Variants in HECW1 observed in about 807,000 individuals in gnomAD.
HECW1 encodes the protein HECT, C2 and WW domain containing E3 ubiquitin protein ligase 1.
In HECW1, 61 loss-of-function variants were observed where a neutral mutation model predicts 182.3. The ratio of observed to expected loss-of-function variants is 0.33; its 90% confidence interval spans 0.27 to 0.41. The LOEUF (loss-of-function observed/expected upper bound fraction) is 0.41, where lower values mean the gene tolerates loss of function less well. Ranked by LOEUF, HECW1 falls within the 10% of genes least tolerant of loss-of-function variation. HECW1 has a pLI of 1.00. For missense variants in HECW1, 1,739 were observed against 2,108.9 expected, an observed-to-expected ratio of 0.82 and a Z score of 3.44; for synonymous variants, 859 against 832.6, an observed-to-expected ratio of 1.03 and a Z score of -0.55.
chr7:43,464,953 C>T (rs1049332272), intron 14 of HECW1, among the ~76,000 whole-genome samples: 1 of 152,062 alleles, frequency 6.6e-6, no homozygotes, highest in African/African-American at 2.4e-5. Flanking sequence ...AGGCATGCAC[C>T]ACCATGCCTG....
At chr7:43,465,762 A>ATGCC (rs1224489409) in intron 14 of HECW1, among the ~76,000 whole-genome samples, 4 of 152,038 alleles carry the variant, frequency 2.6e-5, no homozygotes, top group African/African-American at 9.7e-5. Flanking sequence ...ATGGTGCTGC[A>ATGCC]TGCCTGTAGT....
intron 4 of HECW1, among the ~76,000 whole-genome samples, chr7:43,314,907 TGAG>T (rs1002818981): frequency 8.5e-5 from 13 of 152,194 alleles, no homozygotes; most frequent in Non-Finnish European, 1.6e-4. Context: ...ATTTCATGAA[TGAG>T]GAGATGTCGA....
intron 24 of HECW1, chr7:43,512,005 C>T (rs1234143352): frequency 9.5e-6 from 2 of 210,972 alleles, no homozygotes; most frequent in Non-Finnish European, 1.9e-5. Flanking sequence ...TCGCTCACGA[C>T]TGGTACCACT....
chr7:43,549,735 C>A (rs1025349309), intron 26 of HECW1, among the ~76,000 whole-genome samples: 1 of 152,136 alleles, frequency 6.6e-6, no homozygotes, highest in Non-Finnish European at 1.5e-5. Context: ...GCTGCCCTGG[C>A]TGTGTAATAT....
intron 3 of HECW1, among the ~76,000 whole-genome samples, chr7:43,274,999 G>C (rs1237418017): frequency 1.3e-5 from 2 of 152,200 alleles, no homozygotes; most frequent in Non-Finnish European, 2.9e-5. Flanking sequence ...GGGTCTCTAC[G>C]TGTGCTTTGC....
chr7:43,432,549 T>G lies in HECW1; in HGVS notation c.802-5454T>G, dbSNP rs2076588644. 6.6e-6 allele frequency among the ~76,000 whole-genome samples: 1 copy of G among 152,178 alleles called. No individual in the cohort carries two copies. The highest frequency in any genetic ancestry group is 1.9e-4 in the East Asian group (1 of 5,196). On this transcript the variant is annotated intron_variant, in intron 8 of 29. Transcript: ENST00000395891. This position sits in a 1 kb window ranked among gnomAD's most constrained non-coding sequence, Gnocchi z 4.1. ...AAGCCTTACTATAGCATCTTCTGCTTTGTCATTTTCTGCCTGCAGTGTAAG... is the reference window on the plus strand; with the variant it reads ...AAGCCTTACTATAGCATCTTCTGCTGTGTCATTTTCTGCCTGCAGTGTAAG...
intron 13 of HECW1, among the ~76,000 whole-genome samples, chr7:43,462,561 A>G (rs2077623672): frequency 6.6e-6 from 1 of 151,834 alleles, no homozygotes; most frequent in Non-Finnish European, 1.5e-5. Context: ...ACTGAATCGG[A>G]GACTCAGGGG....
intron 2 of HECW1, among the ~76,000 whole-genome samples, chr7:43,153,922 T>A (rs1389414432): frequency 6.6e-6 from 1 of 152,124 alleles, no homozygotes; most frequent in African/African-American, 2.4e-5. Flanking sequence ...ATGAGATAAA[T>A]GAGATGTTTA....
chr7:43,448,661 C>T (rs1160370134), intron 11 of HECW1, among the ~76,000 whole-genome samples: 1 of 152,170 alleles, frequency 6.6e-6, no homozygotes, highest in African/African-American at 2.4e-5. Context: ...GCATCTAAAA[C>T]AATCCTTTGA....
chr7:43,357,900 A>G lies in HECW1; in HGVS notation c.461-2986A>G, dbSNP rs538908834. The stretch of plus-strand genomic sequence containing the variant: ...TATGTACATCTATTATGTATCAATA[A>G]AAAACTATAAATGGAAGAAACAAAG... On this transcript the variant is annotated intron_variant, in intron 5 of 29. Transcript: ENST00000395891. Among the ~76,000 whole-genome samples the G allele has an allele frequency of 2.5e-4, 38 of 152,326 alleles. No individual in the cohort carries two copies. The South Asian group carries it at 6.2e-3, about 25-fold the overall frequency.
At chr7:43,231,179 C>G (rs936140031) in intron 2 of HECW1, among the ~76,000 whole-genome samples, 9 of 152,228 alleles carry the variant, frequency 5.9e-5, no homozygotes, top group Non-Finnish European at 2.9e-5. Flanking sequence ...GATCCCACAG[C>G]CAGAAAGTAG....
At chr7:43,168,192 G>T (rs1223809646) in intron 2 of HECW1, among the ~76,000 whole-genome samples, 1 of 152,168 alleles carries the variant, frequency 6.6e-6, no homozygotes, top group Admixed American at 6.5e-5. Context: ...ATTGCACAAA[G>T]ATCATGTTTA....
At chr7:43,492,234 T>C (rs1351985659) in intron 18 of HECW1, 54 bp downstream of exon 18, 2 of 1,258,606 alleles carry the variant, frequency 1.6e-6, no homozygotes, top group East Asian at 2.4e-5. Flanking sequence ...ACACCTAGAC[T>C]TGATTTTTTG....
At chr7:43,451,397 C>G (rs4724207) in intron 12 of HECW1, among the ~76,000 whole-genome samples, 88,316 of 152,056 alleles carry the variant, frequency 0.58, 26,193 homozygotes, top group South Asian at 0.72. Flanking sequence ...ACTATAACTT[C>G]CATCCATAGG....
chr7:43,211,277 A>G (rs549247322), intron 2 of HECW1, among the ~76,000 whole-genome samples: 1 of 152,300 alleles, frequency 6.6e-6, no homozygotes, highest in African/African-American at 2.4e-5. Flanking sequence ...TGAAAAATCC[A>G]ACCTTTACCA....
chr7:43,213,903 ACAAAAGGTATAAAGTTTC>A (rs1796223621), intron 2 of HECW1, among the ~76,000 whole-genome samples: 1 of 152,114 alleles, frequency 6.6e-6, no homozygotes, highest in South Asian at 2.1e-4. Flanking sequence ...AATGAGAAAA[ACAAAAGGTATAAAGTTTC>A]TATGTGATCA....
chr7:43,431,089 T>C (rs34323991), intron 8 of HECW1, among the ~76,000 whole-genome samples: 49,104 of 152,024 alleles, frequency 0.32, 8,575 homozygotes, highest in Middle Eastern at 0.47. Context: ...TTTTTATTTT[T>C]CTTTAACAAT....
At chr7:43,503,142 A>G (rs2079433945) in intron 21 of HECW1, among the ~76,000 whole-genome samples, 2 of 152,228 alleles carry the variant, frequency 1.3e-5, no homozygotes, top group Admixed American at 1.3e-4. Flanking sequence ...GTGTACCAAC[A>G]GCATTGTTAA....
At position 43,535,471 on chromosome 7, in the gene HECW1, G is replaced by A. The variant is rs2081146232; in HGVS notation, c.4020-5692G>A. Among the ~76,000 whole-genome samples, 2 of 152,124 alleles carry A rather than the reference G, an allele frequency of 1.3e-5. 1 individual carries two copies. Among genetic ancestry groups the A allele is most frequent in the South Asian group, 4.2e-4 (2 of 4,808 alleles). ...CATCTGGGGAGGTGCTGATGTGCGC[G>A]CACCAAGAGTGACATTTGCTCATTC... On this transcript the variant is annotated intron_variant, in intron 24 of 29. Coordinates refer to ENST00000395891, the MANE Select transcript of HECW1 (RefSeq NM_015052.5).
Sources: gnomAD v4.1 joint callset for allele counts (sites outside exome capture counted in the v4.1 genomes callset) on GRCh38, gnomAD v4.1.1 for gene constraint, Gnocchi (gnomAD v3.1) non-coding constraint, MANE v1.5 for transcripts, NCBI Gene and HGNC (gene_info 2026-07-23, HGNC 2026-07-21) for gene names.